NUBP2: variants seen among roughly 807,000 people sequenced by gnomAD.
NUBP2 encodes NUBP iron-sulfur cluster assembly factor 2, cytosolic.
Under a neutral mutation model 24.9 loss-of-function variants are expected in NUBP2, and 23 were observed. The observed-to-expected ratio is 0.92, with a 90% CI of 0.66 to 1.31. NUBP2 has a LOEUF of 1.31. Ranked by LOEUF, NUBP2 falls within the 50% of genes most tolerant of loss-of-function variation. The pLI is 0.00. For missense variants in NUBP2, 403 were observed against 386.5 expected (o/e 1.04, Z -0.36); for synonymous variants, 186 against 170.9 (o/e 1.09, Z -0.69).
intron 1 of NUBP2, chr16:1,786,234 G>A (rs890569298): frequency 3.7e-5 from 16 of 427,308 alleles, no homozygotes; most frequent in African/African-American, 1.8e-4. Context: ...ACACGCGCAC[G>A]AAGGAACGCA....
intron 1 of NUBP2, chr16:1,784,154 G>A (rs1386653807): frequency 3.9e-6 from 2 of 509,544 alleles, no homozygotes; most frequent in Non-Finnish European, 5.0e-6. Context: ...GCAGTGGCAC[G>A]ATCATAACTC....
At chr16:1,785,313 C>T (rs1196111965) in intron 1 of NUBP2, 2 of 1,078,052 alleles carry the variant, frequency 1.9e-6, no homozygotes, top group Non-Finnish European at 2.3e-6. Context: ...TGGGGGAACC[C>T]TCAGGGTTGT....
chr16:1,785,451 G>T (rs1324865016), intron 1 of NUBP2: 2 of 1,187,144 alleles, frequency 1.7e-6, no homozygotes, highest in Non-Finnish European at 2.1e-6. Context: ...GCTGGTGCCA[G>T]CACTGATGGC....
chr16:1,789,170 G>A lies in NUBP2; in HGVS notation c.*456G>A, dbSNP rs35226479. On this transcript the variant is annotated 3_prime_UTR_variant, in exon 7 of 7. Coordinates refer to ENST00000262302, the MANE Select transcript of NUBP2 (RefSeq NM_012225.4). ...GAGGCGCCTGCCATTAAACGTGTCC[G>A]CTGCTGTGGCGACAGATCTGATGTT... 561 of 155,528 alleles carry A rather than the reference G, an allele frequency of 3.6e-3. 3 individuals are homozygous for A. The highest frequency in any genetic ancestry group is 0.012 in the African/African-American group (493 of 41,690). The allele number at this position is 155,528 out of a possible 1,614,324, so 9.6% of individuals were successfully genotyped here.
At chr16:1,785,890 C>A in intron 1 of NUBP2, 2 of 1,287,592 alleles carry the variant, frequency 1.6e-6, no homozygotes, top group Non-Finnish European at 2.0e-6. Flanking sequence ...ATGGCCTCAG[C>A]GGTGGCGCCG....
chr16:1,787,620 G>C, intron 3 of NUBP2, 57 bp from the exon 4 acceptor site: 2 of 1,587,674 alleles, frequency 1.3e-6, no homozygotes, highest in Non-Finnish European at 1.7e-6. Context: ...TAGTGGCGCA[G>C]GGCCACGTGT....
At chr16:1,787,258 C>A in intron 3 of NUBP2, 1 of 419,088 alleles carries the variant, frequency 2.4e-6, no homozygotes, top group South Asian at 4.6e-5. Context: ...GGTTCTGGTG[C>A]CTCTGGAGCA....
chr16:1,785,122 C>G (rs1896901473), intron 1 of NUBP2: 5 of 988,368 alleles, frequency 5.1e-6, no homozygotes, highest in Non-Finnish European at 6.0e-6. Flanking sequence ...TTTGCTAACC[C>G]ATAAAGCTGA....
intron 1 of NUBP2, chr16:1,785,652 G>A: frequency 7.8e-7 from 1 of 1,288,724 alleles, no homozygotes; most frequent in Non-Finnish European, 1.0e-6. Context: ...TGTGGGGCTG[G>A]GGCTGCCTTT....
intron 1 of NUBP2, chr16:1,784,125 C>A: frequency 1.2e-6 from 1 of 802,402 alleles, no homozygotes; most frequent in Non-Finnish European, 1.5e-6. Context: ...AGGGTCTTAA[C>A]TGTCGCCAAG....
intron 1 of NUBP2, 199 bp from the exon 2 acceptor site, chr16:1,786,338 T>TC (rs1896964487): frequency 1.0e-5 from 6 of 595,286 alleles, no homozygotes; most frequent in Non-Finnish European, 1.5e-5. Flanking sequence ...TCTTAGAGGG[T>TC]CCCCCCGGGT....
At chr16:1,788,521 G>A (rs1010232192) in intron 6 of NUBP2, 48 bp from the exon 7 acceptor site, 2 of 1,544,896 alleles carry the variant, frequency 1.3e-6, no homozygotes, top group Non-Finnish European at 8.7e-7. Context: ...CCAATGGTGG[G>A]AGTGGAAGGT....
At chr16:1,785,248 T>G in intron 1 of NUBP2, 1 of 1,025,282 alleles carries the variant, frequency 9.8e-7, no homozygotes, top group Non-Finnish European at 1.2e-6. Flanking sequence ...CTGACTGTGC[T>G]TTGCTGACAA....
intron 1 of NUBP2, chr16:1,783,359 G>T (rs1896811867): frequency 9.1e-7 from 1 of 1,093,660 alleles, no homozygotes; most frequent in South Asian, 4.5e-5. Flanking sequence ...TGGAGGTCGC[G>T]GTTGCAACTG....
chr16:1,785,639 G>C, intron 1 of NUBP2: 3 of 1,288,198 alleles, frequency 2.3e-6, no homozygotes, highest in Non-Finnish European at 3.0e-6. Context: ...GTGTTTGCAG[G>C]AGTGTGGGGC....
At position 1,783,174 on chromosome 16, in the gene NUBP2, G is replaced by A. The variant is rs968204483; in HGVS notation, c.16+138G>A. On this transcript the variant is annotated intron_variant, in intron 1 of 6. Transcript: ENST00000262302. ...GCCGGCGTGGCTGGGCCGGGCCAGA[G>A]GCCGCGGCGCGGGCATTTTCTAAAC... 3.4e-6 allele frequency: 4 copies of A among 1,183,982 alleles called. No individual in the cohort carries two copies. In the African/African-American group the frequency reaches 4.8e-5, roughly 14 times the overall value. The allele number at this position is 1,183,982 out of a possible 1,614,324, so 73.3% of individuals were successfully genotyped here. A position where few individuals can be genotyped will look rare whatever the true frequency, so the allele number is the denominator to read the frequency against.
chr16:1,785,932 C>T (rs760591348), intron 1 of NUBP2: 4 of 1,271,584 alleles, frequency 3.1e-6, no homozygotes, highest in Non-Finnish European at 4.1e-6. Context: ...GCCAAGGTAT[C>T]TGCACACAGC....
At chr16:1,788,373 C>T (rs564914234) in intron 6 of NUBP2, among the ~76,000 whole-genome samples, 166 bp downstream of exon 6, 18 of 152,278 alleles carry the variant, frequency 1.2e-4, no homozygotes, top group Admixed American at 6.5e-4. Flanking sequence ...GCAGGTCATT[C>T]GCCCGCGCCC....
In NUBP2 at chr16:1,788,161, G is replaced by T; in HGVS notation, c.624G>T (p.Arg208Ser). ...AGGAGTGCACCAGCGTCTTCTCCAG[G>T]GGCGGCGGAGAGGAGCTGGCCCAGC... Reference protein sequence around the residue: ...HCTECTSVFSRGGGEELAQLA... With the variant: ...HCTECTSVFSSGGGEELAQLA... The change falls in exon 6 of 7, where the codon AGG becomes AGT. Residue 208 changes from arginine to serine, a missense_variant. Physicochemically the swap from Arg to Ser is moderately radical, Grantham distance 110. Transcript: ENST00000262302. 6.5e-7 allele frequency: 1 copy of T among 1,538,902 alleles called. No homozygotes were observed.
Sources: gnomAD v4.1 joint callset for allele counts (sites outside exome capture counted in the v4.1 genomes callset) on GRCh38, gnomAD v4.1.1 for gene constraint, MANE v1.5 for transcripts, NCBI Gene and HGNC (gene_info 2026-07-23, HGNC 2026-07-21) for gene names.